Variants in PHACTR1 observed in about 807,000 individuals in gnomAD.
PHACTR1 encodes the protein phosphatase and actin regulator 1, also known as RPEL repeat containing 1.
A neutral mutation model predicts 69.2 loss-of-function variants in PHACTR1; 16 were observed. That is an observed-to-expected ratio of 0.23 (90% CI 0.16 to 0.35). PHACTR1 has a LOEUF of 0.35. PHACTR1 is among the 10% of genes least tolerant of loss of function. The probability of loss-of-function intolerance (pLI) is 1.00; values close to 1 mark genes in which losing one functional copy is unlikely to be tolerated. For missense variants in PHACTR1, 510 were observed against 734.7 expected (o/e 0.69, Z 3.54); for synonymous variants, 312 against 284.5 (o/e 1.10, Z -0.97).
chr6:12,731,975 C>T (rs1763584634), intron 3 of PHACTR1, among the ~76,000 whole-genome samples: 1 of 150,778 alleles, frequency 6.6e-6, no homozygotes, highest in Non-Finnish European at 1.5e-5. Flanking sequence ...GAAAGTTTTA[C>T]CTTTTTTTTT....
At chr6:12,851,427 A>C (rs973935194) in intron 4 of PHACTR1, among the ~76,000 whole-genome samples, 1 of 152,136 alleles carries the variant, frequency 6.6e-6, no homozygotes, top group Non-Finnish European at 1.5e-5. Context: ...ATCCAACAAT[A>C]CTCAGATTTT....
At position 12,898,728 on chromosome 6, in the gene PHACTR1, G is replaced by C. The variant is rs1487683128; in HGVS notation, c.250+148938G>C. On this transcript the variant is annotated intron_variant, in intron 4 of 14. Coordinates refer to ENST00000332995, the MANE Select transcript of PHACTR1 (RefSeq NM_030948.6). ...GCAGAACACTCTTTCTCTCTCTGTCGGCCGCAATCTGTCCTTGTTGCCGGG... is the reference window on the plus strand; with the variant it reads ...GCAGAACACTCTTTCTCTCTCTGTCCGCCGCAATCTGTCCTTGTTGCCGGG... Among the ~76,000 whole-genome samples the C allele has an allele frequency of 2.6e-5, 4 of 152,150 alleles. No homozygotes were observed. In the East Asian group the frequency reaches 7.7e-4, roughly 29 times the overall value.
chr6:12,802,554 A>G (rs1047807243), intron 4 of PHACTR1, among the ~76,000 whole-genome samples: 2 of 152,186 alleles, frequency 1.3e-5, no homozygotes, highest in Non-Finnish European at 2.9e-5. Flanking sequence ...TATTTTCTTT[A>G]TTATACTGAA....
intron 5 of PHACTR1, among the ~76,000 whole-genome samples, chr6:13,115,286 C>G (rs1230911758): frequency 6.6e-6 from 1 of 152,144 alleles, no homozygotes; most frequent in Non-Finnish European, 1.5e-5. Context: ...TTACTGCAAT[C>G]CAACTCAACA....
intron 4 of PHACTR1, among the ~76,000 whole-genome samples, chr6:12,900,173 G>A (rs190056211): frequency 6.6e-6 from 1 of 152,160 alleles, no homozygotes; most frequent in East Asian, 1.9e-4. Context: ...TTAAAGATTG[G>A]CCTCTTAAAT....
At chr6:12,934,058 G>A (rs542108853) in intron 4 of PHACTR1, 2 of 1,369,344 alleles carry the variant, frequency 1.5e-6, no homozygotes, top group South Asian at 3.1e-5. Flanking sequence ...TCAAGGTGTT[G>A]GTGGGGCCAC....
chr6:12,891,627 C>A (rs1324491925), intron 4 of PHACTR1, among the ~76,000 whole-genome samples: 1 of 152,180 alleles, frequency 6.6e-6, no homozygotes, highest in African/African-American at 2.4e-5. Flanking sequence ...CTCCTCTGAC[C>A]AAGTTCCACA....
chr6:12,723,209 C>T (rs1160533095), intron 3 of PHACTR1, among the ~76,000 whole-genome samples: 3 of 152,056 alleles, frequency 2.0e-5, no homozygotes, highest in East Asian at 3.9e-4. Flanking sequence ...TTTCAACTAG[C>T]CCATGGGTTT....
intron 3 of PHACTR1, among the ~76,000 whole-genome samples, chr6:12,737,842 C>T (rs1408976590): frequency 6.6e-6 from 1 of 152,126 alleles, no homozygotes; most frequent in Non-Finnish European, 1.5e-5. Flanking sequence ...GTGATCCTCC[C>T]TCAAAATGCT....
intron 4 of PHACTR1, among the ~76,000 whole-genome samples, chr6:12,966,478 T>G (rs1299444567): frequency 2.6e-5 from 4 of 152,124 alleles, no homozygotes; most frequent in Non-Finnish European, 5.9e-5. Context: ...AGTGAGACAT[T>G]TTGGAGTTTC....
intron 4 of PHACTR1, among the ~76,000 whole-genome samples, chr6:12,854,146 T>C (rs1367691846): frequency 3.9e-5 from 6 of 152,118 alleles, no homozygotes; most frequent in African/African-American, 1.4e-4. Flanking sequence ...TCTTAGGAAA[T>C]TTAACTTTTT....
intron 4 of PHACTR1, among the ~76,000 whole-genome samples, chr6:12,951,423 G>A (rs1315277600): frequency 1.3e-5 from 2 of 152,214 alleles, no homozygotes; most frequent in African/African-American, 4.8e-5. Context: ...ATAGCAAGGA[G>A]ACAAAATAAA....
chr6:12,754,128 A>ATT (rs34841058), intron 4 of PHACTR1, among the ~76,000 whole-genome samples: 41,447 of 112,086 alleles, frequency 0.37, 8,469 homozygotes, highest in Non-Finnish European at 0.41. Context: ...ACGCCTGGCT[A>ATT]TTTTTTTTTT....
In PHACTR1 at chr6:13,241,194, G is replaced by C. The variant is rs542854957; in HGVS notation, c.1391+11001G>C. 6.8e-4 allele frequency among the ~76,000 whole-genome samples: 103 copies of C among 152,314 alleles called. 1 individual carries two copies. Among genetic ancestry groups the C allele is most frequent in the Non-Finnish European group, 1.4e-3 (94 of 68,014 alleles). On this transcript the variant is annotated intron_variant, in intron 10 of 14. Coordinates refer to ENST00000332995, the MANE Select transcript of PHACTR1 (RefSeq NM_030948.6). ...TCAAGGGAGAGATAAGGCATGGAATGAAGAAGAGGAAAGGAGATGTTCTTC... is the reference window on the plus strand; with the variant it reads ...TCAAGGGAGAGATAAGGCATGGAATCAAGAAGAGGAAAGGAGATGTTCTTC...
intron 3 of PHACTR1, among the ~76,000 whole-genome samples, chr6:12,720,985 G>GT (rs1301214632): frequency 1.3e-5 from 2 of 152,178 alleles, no homozygotes; most frequent in African/African-American, 4.8e-5. Context: ...CATTAATGAG[G>GT]TAAGATTTTA....
intron 4 of PHACTR1, among the ~76,000 whole-genome samples, chr6:12,811,067 T>A (rs968624946): frequency 1.3e-5 from 2 of 152,244 alleles, no homozygotes; most frequent in African/African-American, 4.8e-5. Context: ...GCCTGTCCAA[T>A]ACAAGATTGA....
At chr6:12,798,039 GACACACACAC>G (rs10529531) in intron 4 of PHACTR1, among the ~76,000 whole-genome samples, 1 of 137,876 alleles carries the variant, frequency 7.3e-6, no homozygotes, top group African/African-American at 2.8e-5. Context: ...TCATTTCCTA[GACACACACAC>G]ACACACACAC....
intron 4 of PHACTR1, among the ~76,000 whole-genome samples, chr6:12,993,553 C>T (rs996726723): frequency 4.6e-5 from 7 of 152,110 alleles, no homozygotes; most frequent in South Asian, 2.1e-4. Flanking sequence ...TTGCTTCAGG[C>T]GAGAGCTAAG....
intron 4 of PHACTR1, among the ~76,000 whole-genome samples, chr6:12,928,403 A>C (rs1405189034): frequency 6.6e-6 from 1 of 152,160 alleles, no homozygotes; most frequent in Non-Finnish European, 1.5e-5. Flanking sequence ...GCTTGAAATT[A>C]ACCCCTAGGG....
Sources: gnomAD v4.1 joint callset for allele counts (sites outside exome capture counted in the v4.1 genomes callset) on GRCh38, gnomAD v4.1.1 for gene constraint, MANE v1.5 for transcripts, NCBI Gene and HGNC (gene_info 2026-07-23, HGNC 2026-07-21) for gene names.